CWF19L2: variants seen among roughly 807,000 people sequenced by gnomAD.
CWF19L2 encodes CWF19 like cell cycle control factor 2, also known as CWF19-like protein 2.
Under a neutral mutation model 111.7 loss-of-function variants are expected in CWF19L2, and 98 were observed. That is an observed-to-expected ratio of 0.88 (90% CI 0.75 to 1.04). The LOEUF (loss-of-function observed/expected upper bound fraction) is 1.04. CWF19L2 is among the 50% of genes least tolerant of loss of function. CWF19L2 has a pLI of 0.00. For missense variants in CWF19L2, 1,101 were observed against 1,051.4 expected (o/e 1.05, Z -0.65); for synonymous variants, 351 against 342.9 (o/e 1.02, Z -0.26).
intron 10 of CWF19L2, among the ~76,000 whole-genome samples, chr11:107,398,440 C>T (rs1006868619): frequency 2.0e-5 from 3 of 152,102 alleles, no homozygotes; most frequent in African/African-American, 4.8e-5. Context: ...AAATCCAGAG[C>T]TTGAAGACAA....
In CWF19L2 at chr11:107,326,972, T is replaced by C. The variant is rs144786053; in HGVS notation, c.2623A>G (p.Lys875Glu). The part of the protein sequence containing the change: ...IRESFEDQRK[K>E]ALQFAQWWKP... ...CACCACTGAGCAAACTGCAGTGCTT[T>C]TTTCCTCTGATCCTCAAAGCTTTCT... The change falls in exon 18 of 18, where the codon AAA becomes GAA. Residue 875 changes from lysine (K) to glutamate (E), a missense_variant. Transcript: ENST00000282251. 16 of 1,612,248 alleles carry C rather than the reference T, an allele frequency of 9.9e-6. No individual in the cohort carries two copies. Among genetic ancestry groups the C allele is most frequent in the Non-Finnish European group, 1.4e-5 (16 of 1,179,122 alleles).
intron 16 of CWF19L2, among the ~76,000 whole-genome samples, chr11:107,330,932 A>G (rs1326140426): frequency 1.3e-5 from 2 of 152,120 alleles, no homozygotes; most frequent in Non-Finnish European, 2.9e-5. Context: ...TGTCCTTTTT[A>G]AAAAGGCACA....
At chr11:107,333,827 GGGGAGAAGT>G (rs1460855637) in intron 16 of CWF19L2, among the ~76,000 whole-genome samples, 2 of 152,164 alleles carry the variant, frequency 1.3e-5, no homozygotes, top group African/African-American at 4.8e-5. Context: ...AGAAGAAATG[GGGGAGAAGT>G]ATTCCAGTGA....
intron 14 of CWF19L2, among the ~76,000 whole-genome samples, chr11:107,339,354 T>C (rs1223092446): frequency 1.3e-5 from 2 of 152,170 alleles, no homozygotes; most frequent in East Asian, 3.9e-4. Context: ...TGCCAAGAAG[T>C]GCAAGAGTTG....
At chr11:107,401,474 C>CAAAAAT (rs541439760) in intron 10 of CWF19L2, among the ~76,000 whole-genome samples, 25 of 151,742 alleles carry the variant, frequency 1.6e-4, no homozygotes, top group East Asian at 3.9e-4. Flanking sequence ...ACAATAGCTG[C>CAAAAAT]AAAAATAAAA....
At chr11:107,413,978 G>A (rs1861191647) in intron 10 of CWF19L2, among the ~76,000 whole-genome samples, 1 of 152,098 alleles carries the variant, frequency 6.6e-6, no homozygotes, top group Non-Finnish European at 1.5e-5. Context: ...GCATCAAAAA[G>A]AGGTATCATG....
intron 3 of CWF19L2, among the ~76,000 whole-genome samples, chr11:107,448,343 C>CAA (rs61259014): frequency 0.016 from 857 of 54,892 alleles, 8 homozygotes; most frequent in Middle Eastern, 0.023. Context: ...GACTCCGTCA[C>CAA]AAAAAAAAAA....
intron 7 of CWF19L2, 58 bp from the exon 8 acceptor site, chr11:107,429,509 C>T (rs1229549789): frequency 4.5e-6 from 6 of 1,326,918 alleles, no homozygotes; most frequent in Non-Finnish European, 6.1e-6. Context: ...CAGTGACTTG[C>T]ACCCCACATG....
chr11:107,393,784 T>C (rs1860882873), intron 10 of CWF19L2, among the ~76,000 whole-genome samples: 1 of 151,962 alleles, frequency 6.6e-6, no homozygotes, highest in Non-Finnish European at 1.5e-5. Flanking sequence ...ACTCAGGAAA[T>C]CAAATACTGC....
At chr11:107,340,080 C>A (rs557034127) in intron 14 of CWF19L2, among the ~76,000 whole-genome samples, 1 of 151,890 alleles carries the variant, frequency 6.6e-6, no homozygotes, top group African/African-American at 2.4e-5. Context: ...ATATTTTCTC[C>A]TAGTTTATAA....
At position 107,428,918 on chromosome 11, in the gene CWF19L2, G is replaced by C. The variant is rs920159448; in HGVS notation, c.1314C>G (p.Thr438=). The C allele has an allele frequency of 2.5e-5, 40 of 1,613,370 alleles. No homozygotes were observed. Among genetic ancestry groups the C allele is most frequent in the Non-Finnish European group, 3.2e-5 (38 of 1,179,698 alleles). The part of the protein sequence containing the change: ...KKHSNQKPSE[T]STDEHQHVPE... ...GAACATGTTGGTGTTCATCAGTACTGGTTTCCGATGGCTTTTGATTTGAAT... is the reference window on the plus strand; with the variant it reads ...GAACATGTTGGTGTTCATCAGTACTCGTTTCCGATGGCTTTTGATTTGAAT... The change falls in exon 8 of 18, where the codon ACC becomes ACG. Residue 438 remains threonine (T), a synonymous_variant. Coordinates refer to ENST00000282251, the MANE Select transcript of CWF19L2 (RefSeq NM_152434.3).
intron 12 of CWF19L2, among the ~76,000 whole-genome samples, chr11:107,372,717 TAGA>T (rs1860529998): frequency 7.4e-6 from 1 of 134,900 alleles, no homozygotes; most frequent in African/African-American, 3.0e-5. Flanking sequence ...GAAAACTAGT[TAGA>T]AGGCTATTTG....
At chr11:107,359,086 G>A (rs929083177) in intron 12 of CWF19L2, among the ~76,000 whole-genome samples, 1 of 152,162 alleles carries the variant, frequency 6.6e-6, no homozygotes, top group East Asian at 1.9e-4. Context: ...AGTTACACAT[G>A]AGCTTACCAT....
intron 12 of CWF19L2, among the ~76,000 whole-genome samples, chr11:107,355,898 T>C (rs1191196264): frequency 6.6e-6 from 1 of 152,188 alleles, no homozygotes; most frequent in African/African-American, 2.4e-5. Flanking sequence ...TTGACATTAA[T>C]AGAAATTCCA....
At chr11:107,345,464 T>C in intron 14 of CWF19L2, 1 of 458,962 alleles carries the variant, frequency 2.2e-6, no homozygotes, top group Non-Finnish European at 4.5e-6. Context: ...TCTGGCTTAA[T>C]TATTGGATGA....
At chr11:107,361,664 A>C (rs952350453) in intron 12 of CWF19L2, among the ~76,000 whole-genome samples, 6 of 152,172 alleles carry the variant, frequency 3.9e-5, no homozygotes, top group African/African-American at 9.7e-5. Flanking sequence ...CAGGTGCTTT[A>C]TACTTTTCCC....
rs111970887 is a variant in CWF19L2 at position 107,341,591 on chromosome 11, G to A, written c.2203-4878C>T. On this transcript the variant is annotated intron_variant, in intron 14 of 17. Transcript: ENST00000282251. ...TGGTATGAGGATAACACTAACTTACGGTATCAGGATAATACAAACTCCCAA... is the reference window on the plus strand; with the variant it reads ...TGGTATGAGGATAACACTAACTTACAGTATCAGGATAATACAAACTCCCAA... Among the ~76,000 whole-genome samples, 32 of 152,098 alleles carry A rather than the reference G, an allele frequency of 2.1e-4. 1 individual carries two copies. The highest frequency in any genetic ancestry group is 5.1e-4 in the African/African-American group (21 of 41,518).
chr11:107,389,532 A>G, intron 12 of CWF19L2, among the ~76,000 whole-genome samples: 1 of 152,186 alleles, frequency 6.6e-6, no homozygotes, highest in South Asian at 2.1e-4. Context: ...AAGAGACTTC[A>G]ATGGAAGAAA....
At chr11:107,438,237 T>C (rs1315473573) in intron 6 of CWF19L2, among the ~76,000 whole-genome samples, 6 of 152,200 alleles carry the variant, frequency 3.9e-5, no homozygotes, top group African/African-American at 1.2e-4. Flanking sequence ...ATCTGTATAA[T>C]GGGTTAGTTG....
Sources: gnomAD v4.1 joint callset for allele counts (sites outside exome capture counted in the v4.1 genomes callset) on GRCh38, gnomAD v4.1.1 for gene constraint, MANE v1.5 for transcripts, NCBI Gene and HGNC (gene_info 2026-07-23, HGNC 2026-07-21) for gene names.